MAD1L1: variants seen among roughly 807,000 people sequenced by gnomAD.
MAD1L1 encodes mitotic arrest deficient 1 like 1.
Under a neutral mutation model 96.9 loss-of-function variants are expected in MAD1L1, and 95 were observed. That is an observed-to-expected ratio of 0.98 (90% CI 0.83 to 1.16). MAD1L1 has a LOEUF of 1.16. Ranked by LOEUF, MAD1L1 falls within the 50% of genes most tolerant of loss-of-function variation. The pLI, the probability that MAD1L1 is intolerant of heterozygous loss-of-function variation, is 0.00. For synonymous variants in MAD1L1, 473 were observed against 396.6 expected (o/e 1.19, Z -2.29); for missense variants, 1,007 against 954.4 (o/e 1.06, Z -0.73).
chr7:2,127,056 G>C (rs1046065758), intron 11 of MAD1L1, among the ~76,000 whole-genome samples: 2 of 152,168 alleles, frequency 1.3e-5, no homozygotes, highest in Non-Finnish European at 2.9e-5. Context: ...GAGCAGACGC[G>C]GGTGGGATGA....
intron 18 of MAD1L1, among the ~76,000 whole-genome samples, chr7:1,828,754 G>A (rs891145385): frequency 6.6e-6 from 1 of 152,192 alleles, no homozygotes; most frequent in South Asian, 2.1e-4. Context: ...CAGCCTCGCA[G>A]CACTCAACAA....
At chr7:2,211,312 AGG>A (rs1189428061) in intron 10 of MAD1L1, among the ~76,000 whole-genome samples, 2 of 152,098 alleles carry the variant, frequency 1.3e-5, no homozygotes, top group Non-Finnish European at 2.9e-5. Flanking sequence ...CAGCACCCCC[AGG>A]CCAGCTCGCC....
chr7:2,216,045 G>A (rs1793256524), intron 8 of MAD1L1, 46 bp from the exon 9 acceptor site: 2 of 1,611,700 alleles, frequency 1.2e-6, no homozygotes, highest in African/African-American at 1.3e-5. Flanking sequence ...ACACCCTAGG[G>A]ATAAGGCCAA....
chr7:1,937,226 C>T (rs1210558928), intron 16 of MAD1L1, among the ~76,000 whole-genome samples: 3 of 152,136 alleles, frequency 2.0e-5, no homozygotes, highest in African/African-American at 4.8e-5. Flanking sequence ...ACTCAGTGCC[C>T]GGGAGGGAGG....
chr7:1,981,315 C>T (rs1005868646), intron 14 of MAD1L1, among the ~76,000 whole-genome samples: 6 of 152,142 alleles, frequency 3.9e-5, no homozygotes, highest in African/African-American at 1.4e-4. Context: ...TGGGAGGCAT[C>T]AGGGGCAGCA....
intron 12 of MAD1L1, among the ~76,000 whole-genome samples, chr7:2,042,620 C>T (rs1021331145): frequency 1.8e-4 from 28 of 152,124 alleles, no homozygotes; most frequent in African/African-American, 6.8e-4. Flanking sequence ...GGATCCCTCA[C>T]GAATGGCCCA....
intron 12 of MAD1L1, among the ~76,000 whole-genome samples, chr7:2,029,012 A>G (rs1783104823): frequency 9.9e-5 from 15 of 152,222 alleles, no homozygotes; most frequent in Admixed American, 9.8e-4. Flanking sequence ...GAGGGTGGCG[A>G]AGCTTTCTTA....
At chr7:2,125,507 TC>T (rs1203219106) in intron 11 of MAD1L1, among the ~76,000 whole-genome samples, 1 of 152,146 alleles carries the variant, frequency 6.6e-6, no homozygotes, top group East Asian at 1.9e-4. Context: ...ATCTGAGATA[TC>T]CTTTGAATAT....
chr7:2,162,516 C>T (rs959778029), intron 10 of MAD1L1, among the ~76,000 whole-genome samples: 1 of 151,820 alleles, frequency 6.6e-6, no homozygotes, highest in African/African-American at 2.4e-5. Flanking sequence ...ATCTGCTGAC[C>T]TTCCCTCCAC....
chr7:1,949,801 G>T (rs1290819473), intron 16 of MAD1L1, among the ~76,000 whole-genome samples: 1 of 152,250 alleles, frequency 6.6e-6, no homozygotes, highest in African/African-American at 2.4e-5. Context: ...GAGCCGCGGG[G>T]ACTGGCACCC....
At chr7:1,952,291 C>G (rs575308571) in intron 16 of MAD1L1, among the ~76,000 whole-genome samples, 4 of 152,346 alleles carry the variant, frequency 2.6e-5, no homozygotes, top group African/African-American at 4.8e-5. Flanking sequence ...GATGCTGCTC[C>G]GAGGACTGCG....
At chr7:2,199,671 G>A (rs527836683) in intron 10 of MAD1L1, among the ~76,000 whole-genome samples, 22 of 152,328 alleles carry the variant, frequency 1.4e-4, no homozygotes, top group South Asian at 2.1e-4. Flanking sequence ...GAAACCAGAC[G>A]AGGGCCAGGC....
At position 1,963,868 on chromosome 7, in the gene MAD1L1, T is replaced by A. The variant is rs543247579; in HGVS notation, c.1506-6149A>T. ...GGGGAGACATCTGAGCACAGCCCAG[T>A]GTCACCGTCTCTCGGCAGGGTGGCC... is the stretch of plus-strand genomic sequence containing the variant. On this transcript the variant is annotated intron_variant, in intron 15 of 18. Coordinates refer to ENST00000265854, the MANE Select transcript of MAD1L1 (RefSeq NM_001013836.2). Among the ~76,000 whole-genome samples, 100 of 152,308 alleles carry A rather than the reference T, an allele frequency of 6.6e-4. 1 individual carries two copies. The South Asian group carries it at 0.02, about 30-fold the overall frequency.
intron 10 of MAD1L1, among the ~76,000 whole-genome samples, chr7:2,193,037 G>A (rs1339809816): frequency 6.6e-6 from 1 of 152,190 alleles, no homozygotes; most frequent in Non-Finnish European, 1.5e-5. Flanking sequence ...AGTGGTTCAT[G>A]TTTTTGATGG....
intron 16 of MAD1L1, among the ~76,000 whole-genome samples, chr7:1,938,486 C>A (rs1368788792): frequency 2.6e-5 from 4 of 152,090 alleles, no homozygotes; most frequent in African/African-American, 7.2e-5. Context: ...AAGGCACCCA[C>A]AGAGCAGGAG....
chr7:1,990,259 C>A (rs536717399), intron 14 of MAD1L1, among the ~76,000 whole-genome samples: 1 of 152,220 alleles, frequency 6.6e-6, no homozygotes, highest in African/African-American at 2.4e-5. Flanking sequence ...CTGGGGCTGA[C>A]TGGGGCAGAG....
rs984689891 is a variant in MAD1L1, at chr7:2,114,074, A to G, written c.1073+35078T>C. Among the ~76,000 whole-genome samples, 1 of 152,246 alleles carries G rather than the reference A, an allele frequency of 6.6e-6. No individual in the cohort carries two copies. The highest frequency in any genetic ancestry group is 2.4e-5 in the African/African-American group (1 of 41,468). On this transcript the variant is annotated intron_variant, in intron 11 of 18. Transcript: ENST00000265854. The surrounding 1 kb of genome is among the most constrained non-coding windows in gnomAD (Gnocchi z 4.2). Reference sequence around the variant, plus strand: ...CGCGCCTGCTGCACCCAGGCCTTACAGCTTCTGATAACTGTACACGGGCTC... The same window carrying G: ...CGCGCCTGCTGCACCCAGGCCTTACGGCTTCTGATAACTGTACACGGGCTC...
At chr7:2,169,718 AC>A (rs1790618228) in intron 10 of MAD1L1, among the ~76,000 whole-genome samples, 1 of 145,818 alleles carries the variant, frequency 6.9e-6, no homozygotes, top group African/African-American at 2.8e-5. Flanking sequence ...AGGCTGGACC[AC>A]AGTCTGGGTG....
At chr7:1,994,910 G>T (rs1021952845) in intron 14 of MAD1L1, among the ~76,000 whole-genome samples, 1 of 152,192 alleles carries the variant, frequency 6.6e-6, no homozygotes, top group Non-Finnish European at 1.5e-5. Flanking sequence ...GAACTCCTGG[G>T]CTCAAGATTT....
Sources: allele counts gnomAD v4.1 joint callset (sites outside exome capture counted in the v4.1 genomes callset), GRCh38; gene constraint gnomAD v4.1.1; non-coding constraint Gnocchi (gnomAD v3.1); transcripts MANE v1.5; gene names NCBI Gene and HGNC (gene_info 2026-07-23, HGNC 2026-07-21).